Variants in DRD3 observed in about 807,000 individuals in gnomAD.
DRD3 encodes the protein dopamine receptor D3, also known as D(3) dopamine receptor.
DRD3 carries 19 observed loss-of-function variants against 36.3 expected under a neutral mutation model. That is an observed-to-expected ratio of 0.52 (90% CI 0.36 to 0.77). The LOEUF (loss-of-function observed/expected upper bound fraction) is 0.77, where lower values mean the gene tolerates loss of function less well. Among genes scored for constraint, DRD3 ranks in the 30% least tolerant of loss-of-function variants. The pLI is 0.00. For missense variants in DRD3, 465 were observed against 505.3 expected, an observed-to-expected ratio of 0.92 and a Z score of 0.77; for synonymous variants, 195 against 203.7, an observed-to-expected ratio of 0.96 and a Z score of 0.36.
Position 114,195,257 on chromosome 3 carries a change from T to G in DRD3, c.-156+4016A>C, listed in dbSNP as rs189182969. On this transcript the variant is annotated intron_variant, in intron 1 of 7. Transcript: ENST00000460779. Reference sequence around the variant, plus strand: ...GTGATTTCCTGTAAGTTATTTTTGTTTAGTTTTTGTCTCATTTTCAACAAC... The same window carrying G: ...GTGATTTCCTGTAAGTTATTTTTGTGTAGTTTTTGTCTCATTTTCAACAAC... Among the ~76,000 whole-genome samples the G allele has an allele frequency of 5.2e-3, 785 of 152,282 alleles. 3 individuals are homozygous for G. Among genetic ancestry groups the G allele is most frequent in the Middle Eastern group, 0.014 (4 of 294 alleles).
upstream of DRD3, among the ~76,000 whole-genome samples, chr3:114,182,515 T>A (rs1051396125): frequency 6.6e-6 from 1 of 152,192 alleles, no homozygotes; most frequent in African/African-American, 2.4e-5. Context: ...TTCTGTGTGC[T>A]TGCATGTTAC....
intron 6 of DRD3, 40 bp from the exon 7 acceptor site, chr3:114,128,952 G>C: frequency 3.3e-6 from 5 of 1,503,694 alleles, no homozygotes; most frequent in Non-Finnish European, 4.5e-6. Flanking sequence ...TAAGGGATTT[G>C]CTTACTCCTT....
chr3:114,135,558 A>G (rs57701383), intron 5 of DRD3, among the ~76,000 whole-genome samples: 3,341 of 152,346 alleles, frequency 0.022, 129 homozygotes, highest in African/African-American at 0.076. Context: ...AGTTAAGAGA[A>G]TACATATTTA....
intron 3 of DRD3, among the ~76,000 whole-genome samples, chr3:114,158,219 C>G (rs1332821024): frequency 6.7e-6 from 1 of 149,186 alleles, no homozygotes; most frequent in African/African-American, 2.5e-5. Context: ...TGAGACCAGC[C>G]TGGACAACAT....
chr3:114,167,590 TG>T (rs2077797917), intron 2 of DRD3, among the ~76,000 whole-genome samples: 1 of 152,206 alleles, frequency 6.6e-6, no homozygotes, highest in Non-Finnish European at 1.5e-5. Flanking sequence ...CGTCAGTGAC[TG>T]GTCCCTGTGG....
At chr3:114,132,411 TG>T (rs941137088) in intron 5 of DRD3, among the ~76,000 whole-genome samples, 1 of 151,958 alleles carries the variant, frequency 6.6e-6, no homozygotes, top group Non-Finnish European at 1.5e-5. Flanking sequence ...TGTCAAGGGA[TG>T]GGGGGCAAGG....
At chr3:114,169,042 A>G (rs1243970965) in intron 2 of DRD3, among the ~76,000 whole-genome samples, 1 of 151,594 alleles carries the variant, frequency 6.6e-6, no homozygotes, top group Admixed American at 6.6e-5. Flanking sequence ...TTCTTTTCCA[A>G]AGGGAGCTCT....
At chr3:114,164,633 G>A (rs1381290453) in intron 2 of DRD3, among the ~76,000 whole-genome samples, 3 of 152,208 alleles carry the variant, frequency 2.0e-5, no homozygotes, top group African/African-American at 7.2e-5. Flanking sequence ...GTTAAGGGGA[G>A]CATAAAATGA....
intron 1 of DRD3, 40 bp from the exon 2 acceptor site, chr3:114,172,067 C>A (rs1278292033): frequency 2.3e-6 from 3 of 1,332,936 alleles, no homozygotes; most frequent in African/African-American, 3.0e-5. Context: ...AAATCAGACT[C>A]TTTGGGGCTT....
At chr3:114,146,992 G>A (rs903036528) in intron 4 of DRD3, among the ~76,000 whole-genome samples, 5 of 152,112 alleles carry the variant, frequency 3.3e-5, no homozygotes, top group Non-Finnish European at 7.4e-5. Flanking sequence ...TGAGTAAAAA[G>A]TTAGAAGTAT....
At chr3:114,179,967 A>G (rs36212177), upstream of DRD3, among the ~76,000 whole-genome samples, 10,437 of 152,096 alleles carry the variant, frequency 0.069, 403 homozygotes, top group South Asian at 0.11. Flanking sequence ...ACTATTTTTT[A>G]CCATCCTTAA....
intron 4 of DRD3, among the ~76,000 whole-genome samples, chr3:114,142,880 C>A (rs1410311163): frequency 2.0e-5 from 3 of 152,238 alleles, no homozygotes; most frequent in African/African-American, 4.8e-5. Flanking sequence ...TTAGATCAAG[C>A]ATTGCAGCCT....
chr3:114,190,411 A>AATATATATATATATAT (rs1176905493), intron 1 of DRD3, among the ~76,000 whole-genome samples: 1 of 40,886 alleles, frequency 2.4e-5, no homozygotes, highest in Non-Finnish European at 4.3e-5. Context: ...GAAAAAGGAT[A>AATATATATATATATAT]ATATATATAT....
At chr3:114,195,963 G>C (rs2078033943) in intron 1 of DRD3, among the ~76,000 whole-genome samples, 1 of 152,278 alleles carries the variant, frequency 6.6e-6, no homozygotes, top group South Asian at 2.1e-4. Context: ...ACTTTAGGCT[G>C]TATAAACAAA....
In DRD3 at chr3:114,154,553, G is replaced by A. The variant is rs1422873313; in HGVS notation, c.383+5202C>T. On this transcript the variant is annotated intron_variant, in intron 3 of 6. Transcript: ENST00000383673. ...TTTAGTTCTGTGGACTCCCCTCCTG[G>A]AGTTGTTGAAGGAGAAAGCTTTTTG... is the stretch of plus-strand genomic sequence containing the variant. Among the ~76,000 whole-genome samples, 4 of 152,188 alleles carry A rather than the reference G, an allele frequency of 2.6e-5. No homozygotes were observed. The South Asian group carries it at 8.3e-4, about 32-fold the overall frequency.
rs1334944404 is a variant in DRD3 at position 114,178,692 on chromosome 3, G to A, written c.-71C>T. The A allele has an allele frequency of 6.6e-6, 1 of 152,152 alleles. No individual in the cohort carries two copies. The highest frequency in any genetic ancestry group is 1.9e-4 in the East Asian group (1 of 5,192). The allele number at this position is 152,152 out of a possible 1,614,324, so 9.4% of individuals were successfully genotyped here. A position where few individuals can be genotyped will look rare whatever the true frequency, so the allele number is the denominator to read the frequency against. On this transcript the variant is annotated 5_prime_UTR_variant, in exon 1 of 7. Coordinates refer to ENST00000383673, the MANE Select transcript of DRD3 (RefSeq NM_000796.6). ...TCTTCTGATTTCTGGAGACCGAGGA[G>A]TTTACCACTTCGGCTCCTGCAGCCA...
At chr3:114,161,914 A>G (rs1577609006) in intron 2 of DRD3, among the ~76,000 whole-genome samples, 1 of 152,230 alleles carries the variant, frequency 6.6e-6, no homozygotes, top group Admixed American at 6.5e-5. Context: ...GTAAAAAAAC[A>G]CTTTTTGGCA....
chr3:114,147,355 C>T, intron 4 of DRD3, 60 bp downstream of exon 4: 2 of 1,582,852 alleles, frequency 1.3e-6, no homozygotes, highest in Non-Finnish European at 1.7e-6. Flanking sequence ...CAACTCACAG[C>T]CAGTCATTCA....
At chr3:114,197,720 C>T (rs2078044968) in intron 1 of DRD3, among the ~76,000 whole-genome samples, 1 of 152,114 alleles carries the variant, frequency 6.6e-6, no homozygotes, top group Admixed American at 6.5e-5. Flanking sequence ...CATTGAATTG[C>T]CTTTGCAACT....
Sources: allele counts gnomAD v4.1 joint callset (sites outside exome capture counted in the v4.1 genomes callset), GRCh38; gene constraint gnomAD v4.1.1; transcripts MANE v1.5; gene names NCBI Gene and HGNC (gene_info 2026-07-23, HGNC 2026-07-21).